The following ATP9A variants were observed in gnomAD, a reference collection of about 807,000 sequenced individuals.
ATP9A encodes the protein probable phospholipid-transporting ATPase IIA.
ATP9A carries 52 observed loss-of-function variants against 144.1 expected under a neutral mutation model. The ratio of observed to expected loss-of-function variants is 0.36; its 90% CI spans 0.29 to 0.45. The LOEUF is 0.45. Ranked by LOEUF, ATP9A falls within the 20% of genes least tolerant of loss-of-function variation. ATP9A has a pLI of 1.00. For synonymous variants in ATP9A, 582 were observed against 557.4 expected (o/e 1.04, Z -0.62); for missense variants, 947 against 1,392.7 (o/e 0.68, Z 5.09).
At chr20:51,767,963 C>T (rs1379241917) in intron 1 of ATP9A, among the ~76,000 whole-genome samples, 1 of 152,202 alleles carries the variant, frequency 6.6e-6, no homozygotes, top group Non-Finnish European at 1.5e-5. Context: ...ATATTAATTA[C>T]GGAACAATAA....
chr20:51,745,304 G>A (rs917080695), intron 1 of ATP9A, among the ~76,000 whole-genome samples: 1 of 151,256 alleles, frequency 6.6e-6, no homozygotes, highest in Admixed American at 6.6e-5. Flanking sequence ...GCATGGTGGC[G>A]GGTGCCTGTA....
At chr20:51,666,498 TG>T (rs1568810978) in intron 13 of ATP9A, among the ~76,000 whole-genome samples, 2 of 151,618 alleles carry the variant, frequency 1.3e-5, no homozygotes, top group Admixed American at 6.6e-5. Context: ...CAGGCCAACA[TG>T]GTGAAACCCC....
intron 27 of ATP9A, among the ~76,000 whole-genome samples, chr20:51,603,310 T>G (rs1442276483): frequency 2.0e-5 from 3 of 152,208 alleles, no homozygotes; most frequent in African/African-American, 4.8e-5. Context: ...GGATGACCCC[T>G]GGCCCTGAGG....
chr20:51,689,226 G>A, intron 8 of ATP9A, 87 bp from the exon 9 acceptor site: 1 of 1,334,922 alleles, frequency 7.5e-7, no homozygotes, highest in Non-Finnish European at 1.1e-6. Flanking sequence ...GCTGGAGATA[G>A]AAAGACAGGC....
At chr20:51,753,838 G>A (rs1425432927) in intron 1 of ATP9A, among the ~76,000 whole-genome samples, 4 of 149,544 alleles carry the variant, frequency 2.7e-5, no homozygotes, top group Non-Finnish European at 5.9e-5. Flanking sequence ...AGCTAATTTT[G>A]GTTTTTTTTT....
At chr20:51,616,343 G>C (rs2077202828) in intron 22 of ATP9A, among the ~76,000 whole-genome samples, 1 of 137,822 alleles carries the variant, frequency 7.3e-6, no homozygotes, top group Non-Finnish European at 1.7e-5. Context: ...TTTTGAGATG[G>C]AGTTTTGCTC....
At chr20:51,671,329 G>T in intron 11 of ATP9A, 72 bp from the exon 12 acceptor site, 1 of 1,539,012 alleles carries the variant, frequency 6.5e-7, no homozygotes, top group African/African-American at 1.4e-5. Context: ...TAAAAACATG[G>T]ACTCTAAACA....
intron 19 of ATP9A, among the ~76,000 whole-genome samples, chr20:51,619,869 CAAAA>C (rs564118011): frequency 1.2e-5 from 1 of 83,902 alleles, no homozygotes; most frequent in Non-Finnish European, 2.3e-5. Flanking sequence ...AACTCTGTCT[CAAAA>C]AAAAAAAAAA....
At chr20:51,721,533 C>A (rs547866958) in intron 3 of ATP9A, among the ~76,000 whole-genome samples, 3 of 152,266 alleles carry the variant, frequency 2.0e-5, no homozygotes, top group Admixed American at 2.0e-4. Flanking sequence ...GGCGCAGTGG[C>A]TCATGCTTGT....
At chr20:51,659,513 A>G (rs2077402649) in intron 13 of ATP9A, among the ~76,000 whole-genome samples, 1 of 152,222 alleles carries the variant, frequency 6.6e-6, no homozygotes, top group South Asian at 2.1e-4. Context: ...CATCAGTTTC[A>G]GATTTTAAAT....
At chr20:51,709,579 T>C (rs917122382) in intron 4 of ATP9A, among the ~76,000 whole-genome samples, 6 of 152,000 alleles carry the variant, frequency 3.9e-5, no homozygotes, top group Non-Finnish European at 1.5e-5. Flanking sequence ...AAATAGAAAT[T>C]TAGCAGGGCG....
rs1478193600 is a variant in ATP9A at position 51,597,169 on chromosome 20, G to A, written c.*4042C>T. 3 of 152,124 alleles carry A rather than the reference G, an allele frequency of 2.0e-5. No homozygotes were observed. Among genetic ancestry groups the A allele is most frequent in the Non-Finnish European group, 4.4e-5 (3 of 68,038 alleles). The allele number at this position is 152,124 out of a possible 1,614,324, so 9.4% of individuals were successfully genotyped here. A position where few individuals can be genotyped will look rare whatever the true frequency, so the allele number is the denominator to read the frequency against. On this transcript the variant is annotated 3_prime_UTR_variant, in exon 28 of 28. Transcript: ENST00000338821. ...TGGCCCAGCTATATTAACAGACTGC[G>A]CCTCAAACCATGCTGTGGCGGAGAA...
At position 51,627,644 on chromosome 20, in the gene ATP9A, C is replaced by T. The variant is rs770266098; in HGVS notation, c.1801G>A (p.Val601Met). The change falls in exon 17 of 28, where the codon GTG (valine) becomes ATG (methionine). Residue 601 changes from valine to methionine, a missense_variant. Physicochemically the swap from Val to Met is conservative, Grantham distance 21. Around this residue, in one of 2 missense-constraint regions of ATP9A, gnomAD observed 770 missense variants for 1,047.9 expected, o/e 0.73. Coordinates refer to ENST00000338821, the MANE Select transcript of ATP9A (RefSeq NM_006045.3). ...TCCTCTGCAAGAGACTTCTTTGCCA[C>T]CACGAGCACCCGCAGCCCTTCTCGG... ...MAREGLRVLVVAKKSLAEEQY... is the reference protein window; with the variant it reads ...MAREGLRVLVMAKKSLAEEQY... 7.4e-6 allele frequency: 12 copies of T among 1,614,100 alleles called. No individual in the cohort carries two copies. The highest frequency in any genetic ancestry group is 3.4e-6 in the Non-Finnish European group (4 of 1,180,034).
intron 7 of ATP9A, among the ~76,000 whole-genome samples, chr20:51,692,483 G>C (rs1178047939): frequency 6.6e-6 from 1 of 152,188 alleles, no homozygotes; most frequent in Non-Finnish European, 1.5e-5. Flanking sequence ...ATCACGTGAA[G>C]TGGGGCTGGA....
chr20:51,606,142 A>C (rs1313808155), intron 26 of ATP9A, among the ~76,000 whole-genome samples: 1 of 152,038 alleles, frequency 6.6e-6, no homozygotes, highest in Non-Finnish European at 1.5e-5. Context: ...CTGTAATCCC[A>C]GTTATTCGGG....
chr20:51,752,226 G>A (rs1349454388), intron 1 of ATP9A, among the ~76,000 whole-genome samples: 1 of 152,166 alleles, frequency 6.6e-6, no homozygotes, highest in East Asian at 1.9e-4. Context: ...ACCCTGCTAA[G>A]CCTCCGTTTC....
In ATP9A at chr20:51,694,132, G is replaced by A. The variant is rs765666098; in HGVS notation, c.548-30C>T. The A allele has an allele frequency of 6.4e-6, 10 of 1,571,138 alleles. No individual in the cohort carries two copies. In the South Asian group the frequency reaches 1.1e-4, roughly 17 times the overall value. Reference sequence around the variant, plus strand: ...GGAAGGAAGTCGGGTGCCGTCACCTGCACCTCAAGCACCCTTCCCTTGGCA... The same window carrying A: ...GGAAGGAAGTCGGGTGCCGTCACCTACACCTCAAGCACCCTTCCCTTGGCA... On this transcript the variant is annotated intron_variant, in intron 6 of 27. Transcript: ENST00000338821.
intron 1 of ATP9A, among the ~76,000 whole-genome samples, chr20:51,731,984 G>T (rs576618665): frequency 6.6e-6 from 1 of 152,064 alleles, no homozygotes; most frequent in South Asian, 2.1e-4. Context: ...CTCAGAGCTC[G>T]ATATAACCTG....
intron 10 of ATP9A, 67 bp from the exon 11 acceptor site, chr20:51,674,380 G>C: frequency 6.4e-7 from 1 of 1,556,066 alleles, no homozygotes; most frequent in South Asian, 1.2e-5. Context: ...CCTAAACCAG[G>C]AGGTGGAGGC....
Sources: allele counts gnomAD v4.1 joint callset (sites outside exome capture counted in the v4.1 genomes callset), GRCh38; gene constraint gnomAD v4.1.1; regional missense constraint gnomAD v4.1.1; transcripts MANE v1.5; gene names NCBI Gene and HGNC (gene_info 2026-07-23, HGNC 2026-07-21).